Variants in FGD4 observed in about 807,000 individuals in gnomAD.
FGD4 encodes the protein FYVE, RhoGEF and PH domain containing 4, also known as FYVE, RhoGEF and PH domain-containing protein 4.
In FGD4, 42 loss-of-function variants were observed where a neutral mutation model predicts 102.0. The ratio of observed to expected loss-of-function variants is 0.41; its 90% CI spans 0.32 to 0.53. The LOEUF is 0.53. Among genes scored for constraint, FGD4 ranks in the 20% least tolerant of loss-of-function variants. The pLI is 0.21. For missense variants in FGD4, 902 were observed against 1,078.2 expected, an observed-to-expected ratio of 0.84 and a Z score of 2.29; for synonymous variants, 380 against 375.7, an observed-to-expected ratio of 1.01 and a Z score of -0.13.
At chr12:32,441,546 C>T (rs1009299371) in intron 1 of FGD4, among the ~76,000 whole-genome samples, 24 of 151,920 alleles carry the variant, frequency 1.6e-4, no homozygotes, top group Admixed American at 7.2e-4. Context: ...TGCAAGATAA[C>T]GTCCTCCCCG....
intron 1 of FGD4, among the ~76,000 whole-genome samples, chr12:32,557,761 T>G (rs1016531867): frequency 6.6e-5 from 10 of 152,210 alleles, no homozygotes; most frequent in African/African-American, 2.2e-4. Flanking sequence ...GCAAGAGAGT[T>G]GTAAACTATG....
rs144983843 is a variant in FGD4, at chr12:32,401,550, C to A, written c.166+1591C>A. ...TGCTGGGATTACAGATGTGAGCCAC[C>A]ACATCCGGCCTCAAATTCTTTATTC... On this transcript the variant is annotated intron_variant, in intron 1 of 16. Transcript: ENST00000534526. Among the ~76,000 whole-genome samples, 26 of 152,162 alleles carry A rather than the reference C, an allele frequency of 1.7e-4. No homozygotes were observed. In the East Asian group the frequency reaches 4.6e-3, roughly 27 times the overall value.
rs77260635 is a variant in FGD4, at chr12:32,415,845, A to G, written c.166+15886A>G. ...TCTTACAGTTTTTCTCTTGAAACCT[A>G]TTTCATCTGATATAAGTATAGCTAC... On this transcript the variant is annotated intron_variant, in intron 1 of 16. Transcript: ENST00000534526. Among the ~76,000 whole-genome samples the G allele has an allele frequency of 5.9e-5, 9 of 152,092 alleles. No homozygotes were observed. In the East Asian group the frequency reaches 1.4e-3, roughly 23 times the overall value.
rs765758875 is a variant in FGD4, at chr12:32,502,136, C to G, written c.167-62001C>G. ...GGCTGGTTACCATGGAATCCACCATCTGTTCACTCCCCACCGGAATGTGAT... is the reference window on the plus strand; with the variant it reads ...GGCTGGTTACCATGGAATCCACCATGTGTTCACTCCCCACCGGAATGTGAT... On this transcript the variant is annotated intron_variant, in intron 1 of 16. Transcript: ENST00000534526. 2.4e-5 allele frequency: 24 copies of G among 985,350 alleles called. No homozygotes were observed. The highest frequency in any genetic ancestry group is 2.9e-5 in the Non-Finnish European group (24 of 829,968). The allele number at this position is 985,350 out of a possible 1,614,324, so 61.0% of individuals were successfully genotyped here.
At chr12:32,626,310 G>A (rs531922705) in intron 14 of FGD4, among the ~76,000 whole-genome samples, 6 of 152,286 alleles carry the variant, frequency 3.9e-5, no homozygotes, top group East Asian at 3.9e-4. Context: ...CAGGCGTGGC[G>A]GCGCATGCCT....
At chr12:32,401,568 C>G (rs1940663146) in intron 1 of FGD4, among the ~76,000 whole-genome samples, 4 of 151,802 alleles carry the variant, frequency 2.6e-5, no homozygotes, top group African/African-American at 9.7e-5. Context: ...GCCTCAAATT[C>G]TTTATTCTAT....
chr12:32,619,576 G>A (rs1949672552), intron 10 of FGD4, 122 bp from the exon 11 acceptor site: 6 of 1,128,114 alleles, frequency 5.3e-6, no homozygotes, highest in Non-Finnish European at 6.5e-6. Flanking sequence ...AGCTTACAAT[G>A]AGCCAAGGTC....
intron 1 of FGD4, among the ~76,000 whole-genome samples, chr12:32,459,505 T>G: frequency 6.6e-6 from 1 of 152,044 alleles, no homozygotes; most frequent in Non-Finnish European, 1.5e-5. Flanking sequence ...ACACTGCTAT[T>G]TATAAGGATC....
intron 7 of FGD4, among the ~76,000 whole-genome samples, chr12:32,605,034 G>A (rs1160149375): frequency 7.0e-6 from 1 of 143,158 alleles, no homozygotes; most frequent in Non-Finnish European, 1.5e-5. Context: ...TGCCTCCTGG[G>A]TTCAAGCGAT....
chr12:32,595,365 C>T (rs1026336048), intron 4 of FGD4, among the ~76,000 whole-genome samples: 9 of 152,132 alleles, frequency 5.9e-5, no homozygotes, highest in African/African-American at 2.2e-4. Flanking sequence ...CTAAGCCCGG[C>T]CTAAACAATA....
intron 9 of FGD4, 101 bp from the exon 10 acceptor site, chr12:32,611,036 C>A (rs1349679007): frequency 1.4e-6 from 2 of 1,435,964 alleles, no homozygotes; most frequent in Non-Finnish European, 1.9e-6. Context: ...ATGCTTACTC[C>A]TAATCCCTTC....
intron 4 of FGD4, among the ~76,000 whole-genome samples, chr12:32,588,157 A>C (rs544663156): frequency 1.3e-5 from 2 of 152,350 alleles, no homozygotes; most frequent in East Asian, 3.9e-4. Context: ...AGCATTTAGA[A>C]TATGGAACTA....
At chr12:32,407,464 A>G (rs1343860726) in intron 1 of FGD4, among the ~76,000 whole-genome samples, 1 of 152,180 alleles carries the variant, frequency 6.6e-6, no homozygotes, top group Non-Finnish European at 1.5e-5. Context: ...GACGATCCTG[A>G]TGTACAACCA....
At position 32,525,094 on chromosome 12, in the gene FGD4, TC is replaced by T. The variant is rs1322667132; in HGVS notation, c.167-39040del. ...CCTGTGTTCTTCTTTCTTTTTCTAC[TC>T]CCTATGCCTCCCCACCAGAGGTATC... On this transcript the variant is annotated intron_variant, in intron 1 of 16. Coordinates refer to ENST00000534526, the MANE Select transcript of FGD4 (RefSeq NM_001370298.3). Among the ~76,000 whole-genome samples the T allele has an allele frequency of 2.6e-5, 4 of 152,174 alleles. No homozygotes were observed. In the South Asian group the frequency reaches 6.2e-4, roughly 24 times the overall value.
chr12:32,523,837 G>A (rs970554753), intron 1 of FGD4, among the ~76,000 whole-genome samples: 2 of 151,880 alleles, frequency 1.3e-5, no homozygotes, highest in African/African-American at 4.8e-5. Context: ...AATTAGCCGG[G>A]CGTTGTGGCA....
At chr12:32,496,823 C>G (rs1019788088) in intron 1 of FGD4, among the ~76,000 whole-genome samples, 1 of 152,084 alleles carries the variant, frequency 6.6e-6, no homozygotes, top group Middle Eastern at 3.4e-3. Context: ...AAGGCAGGGC[C>G]TAGGTGCTTG....
chr12:32,528,444 A>G (rs796360930), intron 1 of FGD4, among the ~76,000 whole-genome samples: 1 of 152,046 alleles, frequency 6.6e-6, no homozygotes, highest in South Asian at 2.1e-4. Context: ...GCTGGAGTGC[A>G]GTGGCATAAT....
intron 3 of FGD4, among the ~76,000 whole-genome samples, chr12:32,576,674 C>T (rs368566297): frequency 2.0e-5 from 3 of 152,242 alleles, no homozygotes; most frequent in East Asian, 3.9e-4. Flanking sequence ...AGGCCACCAG[C>T]TTTTTCATGA....
At chr12:32,599,450 C>T (rs1343657546) in intron 5 of FGD4, among the ~76,000 whole-genome samples, 2 of 100,264 alleles carry the variant, frequency 2.0e-5, no homozygotes, top group Non-Finnish European at 3.7e-5. Context: ...GCCGAGATCG[C>T]GCCACTAGCA....
Sources: gnomAD v4.1 joint callset for allele counts (sites outside exome capture counted in the v4.1 genomes callset) on GRCh38, gnomAD v4.1.1 for gene constraint, MANE v1.5 for transcripts, NCBI Gene and HGNC (gene_info 2026-07-23, HGNC 2026-07-21) for gene names.